LAMA3: variants seen among roughly 807,000 people sequenced by gnomAD.
LAMA3 encodes laminin subunit alpha-3.
In LAMA3, 281 loss-of-function variants were observed where a neutral mutation model predicts 402.0. That is an observed-to-expected ratio of 0.70 (90% CI 0.63 to 0.77). The LOEUF (loss-of-function observed/expected upper bound fraction) is 0.77. Ranked by LOEUF, LAMA3 falls within the 30% of genes least tolerant of loss-of-function variation. The probability of loss-of-function intolerance (pLI) is 0.00; values close to 1 mark genes in which losing one functional copy is unlikely to be tolerated. For synonymous variants in LAMA3, 1,431 were observed against 1,558.4 expected (o/e 0.92, Z 1.93); for missense variants, 3,840 against 4,215.5 (o/e 0.91, Z 2.47).
In LAMA3 at chr18:23,903,914, G is replaced by A; in HGVS notation, c.6319-19G>A. ...CTTTCCTTGAATTTATACTGTCTTT[G>A]TTTATTTGGAAAAAATAGGAATATG... On this transcript the variant is annotated intron_variant, in intron 49 of 74. Coordinates refer to ENST00000313654, the MANE Select transcript of LAMA3 (RefSeq NM_198129.4). 1 of 1,594,896 alleles carries A rather than the reference G, an allele frequency of 6.3e-7. No homozygotes were observed. The highest frequency in any genetic ancestry group is 8.6e-7 in the Non-Finnish European group (1 of 1,163,506).
intron 42 of LAMA3, among the ~76,000 whole-genome samples, chr18:23,892,900 T>C (rs1039226839): frequency 2.7e-5 from 3 of 112,634 alleles, no homozygotes; most frequent in African/African-American, 4.3e-5. Context: ...CGAAACTCTG[T>C]CTCAAAAAAA....
In LAMA3 at chr18:23,943,931, T is replaced by C. The variant is rs1287885234; in HGVS notation, c.9170T>C (p.Ile3057Thr). ...GGGACAGATGGGAAAAAATTGAGGATCAAAAGCAAGGAGAAATGCAATGAT... is the reference window on the plus strand; with the variant it reads ...GGGACAGATGGGAAAAAATTGAGGACCAAAAGCAAGGAGAAATGCAATGAT... The part of the protein sequence containing the change: ...ALGTDGKKLR[I>T]KSKEKCNDGK... Residue 3057 changes from isoleucine to threonine, a missense_variant, in exon 69 of 75, where the codon ATC becomes ACC. Coordinates refer to ENST00000313654, the MANE Select transcript of LAMA3 (RefSeq NM_198129.4). 8 of 1,614,002 alleles carry C rather than the reference T, an allele frequency of 5.0e-6. No homozygotes were observed. The highest frequency in any genetic ancestry group is 6.8e-6 in the Non-Finnish European group (8 of 1,179,954).
At chr18:23,924,813 G>A (rs917896653) in intron 62 of LAMA3, among the ~76,000 whole-genome samples, 11 of 152,050 alleles carry the variant, frequency 7.2e-5, no homozygotes, top group African/African-American at 2.4e-4. Context: ...AAAGTGTTAG[G>A]ATTACAGGCA....
Position 23,758,455 on chromosome 18 carries a change from G to C in LAMA3, c.1007G>C (p.Gly336Ala). 6.2e-7 allele frequency: 1 copy of C among 1,614,166 alleles called. No homozygotes were observed. Among genetic ancestry groups the C allele is most frequent in the South Asian group, 1.1e-5 (1 of 91,080 alleles). The change falls in exon 7 of 75, where the codon GGG (glycine) becomes GCG (alanine). Residue 336 changes from glycine (G) to alanine (A), a missense_variant. This residue lies in a region of LAMA3 where 2,109 missense variants were observed against 2,376.0 expected (regional missense o/e 0.89). Transcript: ENST00000313654. The stretch of plus-strand genomic sequence containing the variant: ...GAGACGTGTGATCGCTGCTGCACAG[G>C]GTACAATCAGAGGCGCTGGCGGCCC... Reference protein sequence around the residue: ...CGETCDRCCTGYNQRRWRPAA... With the variant: ...CGETCDRCCTAYNQRRWRPAA...
At chr18:23,946,432 A>G (rs1160844559) in intron 70 of LAMA3, 148 bp downstream of exon 70, 8 of 922,010 alleles carry the variant, frequency 8.7e-6, no homozygotes, top group African/African-American at 1.6e-5. Context: ...TCACAACCAC[A>G]TAGAGTAAGT....
In LAMA3 at chr18:23,775,825, G is replaced by A. The variant is rs780838796; in HGVS notation, c.1307G>A (p.Cys436Tyr). 5.7e-5 allele frequency: 92 copies of A among 1,613,898 alleles called. No homozygotes were observed. Among genetic ancestry groups the A allele is most frequent in the Non-Finnish European group, 7.5e-5 (88 of 1,179,874 alleles). ...TGTGACCCTGAGCATGCGGATGGCT[G>A]TGAACAGGGTTCAGGCCGCTGTCAC... The part of the protein sequence containing the change: ...CSCDPEHADG[C>Y]EQGSGRCHCK... The change falls in exon 10 of 75, where the codon TGT (cysteine) becomes TAT (tyrosine). Residue 436 changes from cysteine (C) to tyrosine (Y), a missense_variant. Coordinates refer to ENST00000313654, the MANE Select transcript of LAMA3 (RefSeq NM_198129.4).
At chr18:23,710,275 C>T in intron 1 of LAMA3, 1 of 540,742 alleles carries the variant, frequency 1.8e-6, no homozygotes, top group Non-Finnish European at 3.3e-6. Context: ...TCCTTCTTCG[C>T]CTTCGGCGCC....
intron 12 of LAMA3, among the ~76,000 whole-genome samples, chr18:23,793,081 C>T (rs567524587): frequency 1.2e-4 from 18 of 152,238 alleles, no homozygotes; most frequent in African/African-American, 3.4e-4. Context: ...AGACAGAGCA[C>T]TTCCACATTA....
chr18:23,839,659 C>T lies in LAMA3; in HGVS notation c.3192-126C>T. 5 of 936,446 alleles carry T rather than the reference C, an allele frequency of 5.3e-6. No individual in the cohort carries two copies. Among genetic ancestry groups the T allele is most frequent in the Non-Finnish European group, 6.8e-6 (4 of 585,944 alleles). The allele number at this position is 936,446 out of a possible 1,614,324, so 58.0% of individuals were successfully genotyped here. On this transcript the variant is annotated intron_variant, in intron 26 of 74. Coordinates refer to ENST00000313654, the MANE Select transcript of LAMA3 (RefSeq NM_198129.4). This position sits in a 1 kb window ranked among gnomAD's most constrained non-coding sequence, Gnocchi z 4.5. ...TAAAGATCCCTAGAGTTCTGTGCTT[C>T]CCCCAGCACTGGATCCTTTTGATGC...
Position 23,864,840 on chromosome 18 carries a change from G to A in LAMA3, c.4640G>A (p.Gly1547Asp). ...CAAGCCAAGTCCTTTGGCTTGCCTG[G>A]CGACATGGTTCTTCTGGAAAAGAAG... ...TYQAKSFGLP[G>D]DMVLLEKKPD... is the part of the protein sequence containing the mutation. Residue 1547 changes from glycine (G) to aspartate (D), a missense_variant, in exon 36 of 75, where the codon GGC becomes GAC. By Grantham distance (94) the Gly-to-Asp change is moderately conservative. Transcript: ENST00000313654. 6.2e-7 allele frequency: 1 copy of A among 1,613,734 alleles called. No individual in the cohort carries two copies. The highest frequency in any genetic ancestry group is 1.1e-5 in the South Asian group (1 of 91,068).
At chr18:23,916,931 C>T (rs2081648571) in intron 60 of LAMA3, among the ~76,000 whole-genome samples, 2 of 150,424 alleles carry the variant, frequency 1.3e-5, no homozygotes, top group African/African-American at 2.5e-5. Context: ...ATAGGTAAAT[C>T]GCATGTCACA....
intron 12 of LAMA3, among the ~76,000 whole-genome samples, chr18:23,794,170 A>C (rs1189287092): frequency 1.3e-5 from 2 of 152,182 alleles, no homozygotes; most frequent in African/African-American, 4.8e-5. Context: ...TGACATCAGC[A>C]TTCCTTCCTC....
At chr18:23,796,119 GA>G (rs909719761) in intron 12 of LAMA3, 1 of 430,652 alleles carries the variant, frequency 2.3e-6, no homozygotes, top group African/African-American at 2.0e-5. Flanking sequence ...CCAGCCTCCA[GA>G]ACTGGAGAAA....
intron 10 of LAMA3, 147 bp downstream of exon 10, chr18:23,776,070 A>G: frequency 3.6e-6 from 3 of 829,424 alleles, no homozygotes; most frequent in Non-Finnish European, 6.1e-6. Context: ...GTGTTTCTGA[A>G]AGTTTGGAAT....
rs1378972576 is a variant in LAMA3, at chr18:23,931,131, A to G, written c.8506A>G (p.Ile2836Val). Residue 2836 changes from isoleucine (I) to valine (V), a missense_variant, in exon 65 of 75, where the codon ATT (isoleucine) becomes GTT (valine). This residue lies in a region of LAMA3 where 840 missense variants were observed against 981.9 expected (regional missense o/e 0.86). Transcript: ENST00000313654. Reference sequence around the variant, plus strand: ...GAGCACCAGCGATAGCGGCGGCCCAATTTTTAAATCTCCACAGACGTATAT... The same window carrying G: ...GAGCACCAGCGATAGCGGCGGCCCAGTTTTTAAATCTCCACAGACGTATAT... ...ELSTSDSGGP[I>V]FKSPQTYMDG... 3 of 1,613,624 alleles carry G rather than the reference A, an allele frequency of 1.9e-6. No homozygotes were observed. The highest frequency in any genetic ancestry group is 3.3e-5 in the Admixed American group (2 of 60,016).
chr18:23,917,719 G>A (rs889145420), intron 60 of LAMA3, among the ~76,000 whole-genome samples: 1 of 152,032 alleles, frequency 6.6e-6, no homozygotes, highest in Non-Finnish European at 1.5e-5. Flanking sequence ...GTTTTTGCTT[G>A]TTAATTATTT....
intron 29 of LAMA3, among the ~76,000 whole-genome samples, chr18:23,844,082 A>G (rs1258812928): frequency 1.3e-5 from 2 of 152,202 alleles, no homozygotes; most frequent in Non-Finnish European, 2.9e-5. Context: ...CAAGGGCTGC[A>G]TCTGTTCATT....
chr18:23,951,202 T>TG, intron 72 of LAMA3, among the ~76,000 whole-genome samples: 2 of 152,330 alleles, frequency 1.3e-5, no homozygotes, highest in Middle Eastern at 3.4e-3. Context: ...TCCCGATGCG[T>TG]GCCCAGAGCA....
At position 23,904,582 on chromosome 18, in the gene LAMA3, T is replaced by C. The variant is rs765794417; in HGVS notation, c.6503T>C (p.Leu2168Pro). ...AAGAGAAACGCCAGCGGGGATGAGC[T>C]GGTGCGCTGTGCTGTGGATGCCGCC... ...EIKRNASGDE[L>P]VRCAVDAATA... Residue 2168 changes from leucine to proline, a missense_variant, in exon 51 of 75, where the codon CTG becomes CCG. Physicochemically the swap from Leu to Pro is moderately conservative, Grantham distance 98 (BLOSUM62 -3). Transcript: ENST00000313654. 4 of 1,607,622 alleles carry C rather than the reference T, an allele frequency of 2.5e-6. No homozygotes were observed. The highest frequency in any genetic ancestry group is 2.2e-5 in the East Asian group (1 of 44,698).
Sources: allele counts gnomAD v4.1 joint callset (sites outside exome capture counted in the v4.1 genomes callset), GRCh38; gene constraint gnomAD v4.1.1; regional missense constraint gnomAD v4.1.1; non-coding constraint Gnocchi (gnomAD v3.1); transcripts MANE v1.5; gene names NCBI Gene and HGNC (gene_info 2026-07-23, HGNC 2026-07-21).